ZBTB44: variants seen among roughly 807,000 people sequenced by gnomAD.
ZBTB44 encodes the protein zinc finger and BTB domain containing 44.
A neutral mutation model predicts 54.0 loss-of-function variants in ZBTB44; 15 were observed. That is an observed-to-expected ratio of 0.28 (90% confidence interval 0.19 to 0.43). ZBTB44 has a LOEUF of 0.43. Among genes scored for constraint, ZBTB44 ranks in the 20% least tolerant of loss-of-function variants. ZBTB44 has a pLI of 1.00. For synonymous variants in ZBTB44, 230 were observed against 250.1 expected, an observed-to-expected ratio of 0.92 and a Z score of 0.76; for missense variants, 487 against 707.1, an observed-to-expected ratio of 0.69 and a Z score of 3.53.
intron 1 of ZBTB44, among the ~76,000 whole-genome samples, chr11:130,288,618 C>T (rs1941117787): frequency 6.6e-6 from 1 of 151,940 alleles, no homozygotes; most frequent in South Asian, 2.1e-4. Flanking sequence ...AGGACACAGG[C>T]CTGGTGCGGT....
At chr11:130,313,399 G>A (rs1275140771) in intron 1 of ZBTB44, among the ~76,000 whole-genome samples, 6 of 152,040 alleles carry the variant, frequency 3.9e-5, no homozygotes, top group African/African-American at 1.5e-4. Context: ...CAAAACTAAA[G>A]GACTACGTTC....
chr11:130,308,250 T>C (rs1473172199), intron 1 of ZBTB44, among the ~76,000 whole-genome samples: 1 of 152,230 alleles, frequency 6.6e-6, no homozygotes, highest in Non-Finnish European at 1.5e-5. Context: ...AATGACACAA[T>C]CGCCTAACGA....
chr11:130,270,096 GA>G (rs1293892222), intron 1 of ZBTB44, among the ~76,000 whole-genome samples: 1 of 152,148 alleles, frequency 6.6e-6, no homozygotes, highest in African/African-American at 2.4e-5. Context: ...TGATGAAAGA[GA>G]AAGTAATGAG....
intron 1 of ZBTB44, among the ~76,000 whole-genome samples, chr11:130,266,748 G>T (rs1385743108): frequency 6.6e-6 from 1 of 152,214 alleles, no homozygotes. Flanking sequence ...TCAAAATGGA[G>T]TCTGAATTGC....
chr11:130,270,536 C>T (rs1939591146), intron 1 of ZBTB44, among the ~76,000 whole-genome samples: 1 of 152,118 alleles, frequency 6.6e-6, no homozygotes, highest in African/African-American at 2.4e-5. Context: ...TATGTTTATA[C>T]CAAGCTTCAG....
At chr11:130,267,131 T>C (rs996010381) in intron 1 of ZBTB44, among the ~76,000 whole-genome samples, 2 of 151,736 alleles carry the variant, frequency 1.3e-5, no homozygotes, top group South Asian at 2.1e-4. Context: ...CAGTGTGACG[T>C]CACATGCCTG....
At chr11:130,272,178 G>A (rs1362048568) in intron 1 of ZBTB44, among the ~76,000 whole-genome samples, 1 of 151,824 alleles carries the variant, frequency 6.6e-6, no homozygotes, top group Non-Finnish European at 1.5e-5. Context: ...GTTGCGGTGA[G>A]CCAAGATCAC....
intron 1 of ZBTB44, among the ~76,000 whole-genome samples, chr11:130,299,732 T>G (rs1005705505): frequency 1.3e-5 from 2 of 151,706 alleles, no homozygotes; most frequent in Admixed American, 6.6e-5. Context: ...GCATAGCCAC[T>G]ATAGAAAACA....
chr11:130,281,107 A>T (rs1364072227), intron 1 of ZBTB44, among the ~76,000 whole-genome samples: 4 of 152,222 alleles, frequency 2.6e-5, no homozygotes, highest in Non-Finnish European at 4.4e-5. Flanking sequence ...AATGAAACAC[A>T]TCTACATTTA....
chr11:130,232,956 C>G (rs1020093040), intron 7 of ZBTB44: 8 of 182,244 alleles, frequency 4.4e-5, no homozygotes, highest in South Asian at 1.4e-4. Flanking sequence ...TGAGCTATGA[C>G]TTAGCCACTA....
At chr11:130,303,043 ATTCT>A (rs1417716525) in intron 1 of ZBTB44, among the ~76,000 whole-genome samples, 18 of 152,196 alleles carry the variant, frequency 1.2e-4, no homozygotes, top group African/African-American at 3.4e-4. Context: ...TGAAAAACTT[ATTCT>A]TTATTTTCTT....
chr11:130,277,688 A>G (rs75878163), intron 1 of ZBTB44, among the ~76,000 whole-genome samples: 1,860 of 152,304 alleles, frequency 0.012, 17 homozygotes, highest in Middle Eastern at 0.02. Context: ...AAGTAATTAT[A>G]TAATTACCTT....
At chr11:130,264,910 T>C (rs1215714962) in intron 1 of ZBTB44, among the ~76,000 whole-genome samples, 1 of 152,216 alleles carries the variant, frequency 6.6e-6, no homozygotes, top group African/African-American at 2.4e-5. Flanking sequence ...CACTTCACAT[T>C]TGTGTCACAT....
Position 130,238,340 on chromosome 11 carries a change from T to TC in ZBTB44, c.1267+103_1267+104insG, listed in dbSNP as rs1954202659. 15 of 1,332,748 alleles carry TC rather than the reference T, an allele frequency of 1.1e-5. 1 individual carries two copies. The South Asian group carries it at 2.6e-4, about 23-fold the overall frequency. The allele number at this position is 1,332,748 out of a possible 1,614,324, so 82.6% of individuals were successfully genotyped here. The stretch of plus-strand genomic sequence containing the variant: ...TCTGTTTTCATTTGACTTCCCAGAG[T>TC]TTTTTTTAAAACTCAGAAGCCCCTG... On this transcript the variant is annotated intron_variant, in intron 4 of 7. Transcript: ENST00000357899.
intron 1 of ZBTB44, among the ~76,000 whole-genome samples, chr11:130,269,342 G>A (rs1381328970): frequency 4.0e-5 from 6 of 151,890 alleles, no homozygotes; most frequent in Non-Finnish European, 7.4e-5. Flanking sequence ...ATATGTATAT[G>A]TGTAGTTATA....
At chr11:130,260,076 G>A (rs1487804143) in intron 2 of ZBTB44, among the ~76,000 whole-genome samples, 1 of 152,094 alleles carries the variant, frequency 6.6e-6, no homozygotes, top group Non-Finnish European at 1.5e-5. Context: ...TACTGCAGAA[G>A]GGATTCCATC....
At chr11:130,235,405 C>T (rs1053463812) in intron 5 of ZBTB44, among the ~76,000 whole-genome samples, 2 of 152,130 alleles carry the variant, frequency 1.3e-5, no homozygotes, top group African/African-American at 4.8e-5. Flanking sequence ...AGTGATATGG[C>T]AACCACACAT....
intron 1 of ZBTB44, among the ~76,000 whole-genome samples, chr11:130,274,076 A>C (rs1939876361): frequency 6.6e-6 from 1 of 152,022 alleles, no homozygotes; most frequent in Non-Finnish European, 1.5e-5. Context: ...TGACAGAGCA[A>C]GATTGTCTCA....
chr11:130,278,829 C>A (rs945456614), intron 1 of ZBTB44, among the ~76,000 whole-genome samples: 3 of 152,012 alleles, frequency 2.0e-5, no homozygotes, highest in African/African-American at 7.2e-5. Context: ...TGTCACTATA[C>A]CCACTTTTAC....
Sources: gnomAD v4.1 joint callset for allele counts (sites outside exome capture counted in the v4.1 genomes callset) on GRCh38, gnomAD v4.1.1 for gene constraint, MANE v1.5 for transcripts, NCBI Gene and HGNC (gene_info 2026-07-23, HGNC 2026-07-21) for gene names.